ASIC2: variants seen among roughly 807,000 people sequenced by gnomAD.
ASIC2 encodes acid sensing ion channel subunit 2, also known as acid-sensing ion channel 2.
Under a neutral mutation model 57.3 loss-of-function variants are expected in ASIC2, and 25 were observed. The ratio of observed to expected loss-of-function variants is 0.44; its 90% CI spans 0.32 to 0.61. The LOEUF is 0.61. ASIC2 is among the 20% of genes least tolerant of loss of function. The pLI is 0.06. For missense variants in ASIC2, 641 were observed against 738.1 expected, an observed-to-expected ratio of 0.87 and a Z score of 1.52; for synonymous variants, 319 against 307.5, an observed-to-expected ratio of 1.04 and a Z score of -0.39.
At chr17:33,828,248 G>T (rs986605560) in intron 1 of ASIC2, 1 of 152,054 alleles carries the variant, frequency 6.6e-6, no homozygotes, top group South Asian at 2.1e-4. Flanking sequence ...TAAATCTGAG[G>T]GTATTTAGTC....
chr17:33,112,079 AAG>A lies in ASIC2; in HGVS notation c.709-14_709-13del, dbSNP rs140895516. 0.045 allele frequency: 56,065 copies of A among 1,249,226 alleles called. No individual in the cohort carries two copies. The highest frequency in any genetic ancestry group is 0.092 in the South Asian group (6,205 of 67,730). 77.4% of individuals were successfully genotyped at this position (1,249,226 alleles called of 1,614,324 possible). ...TATTTTGTAAACACCTGAAGGAGAG[AAG>A]AGAGAGAGAGAGAGAAGCACATGGG... On this transcript the variant is annotated splice_polypyrimidine_tract_variant and intron_variant, in intron 1 of 9. Coordinates refer to ENST00000225823, the MANE Select transcript of ASIC2 (RefSeq NM_183377.2).
At chr17:33,652,233 C>T (rs1906943398) in intron 1 of ASIC2, among the ~76,000 whole-genome samples, 1 of 152,168 alleles carries the variant, frequency 6.6e-6, no homozygotes, top group African/African-American at 2.4e-5. Flanking sequence ...CCCAGGTGGG[C>T]AGGAGACTAA....
chr17:34,022,652 A>C (rs373019955), intron 1 of ASIC2, among the ~76,000 whole-genome samples: 148 of 151,772 alleles, frequency 9.8e-4, no homozygotes, highest in South Asian at 8.7e-3. Flanking sequence ...AAAAAAAAAA[A>C]CAAAAAAACA....
chr17:33,768,325 A>G (rs1910996372), intron 1 of ASIC2, among the ~76,000 whole-genome samples: 1 of 152,124 alleles, frequency 6.6e-6, no homozygotes, highest in African/African-American at 2.4e-5. Context: ...TTTTTTAAAA[A>G]GTAACTCCCA....
intron 1 of ASIC2, among the ~76,000 whole-genome samples, chr17:33,400,662 A>C (rs565028972): frequency 6.6e-6 from 1 of 152,300 alleles, no homozygotes; most frequent in African/African-American, 2.4e-5. Context: ...TCAGGACTTA[A>C]AAAAAGATCA....
At chr17:33,327,891 G>A (rs1907140774) in intron 1 of ASIC2, among the ~76,000 whole-genome samples, 1 of 152,166 alleles carries the variant, frequency 6.6e-6, no homozygotes, top group Admixed American at 6.6e-5. Flanking sequence ...GTGGAGAGAG[G>A]CTTGGAGATA....
chr17:33,037,709 T>C (rs891547605), intron 3 of ASIC2, among the ~76,000 whole-genome samples: 1 of 152,224 alleles, frequency 6.6e-6, no homozygotes, highest in African/African-American at 2.4e-5. Flanking sequence ...AGAATAGTTG[T>C]AATACGGAAC....
rs111516213 is a variant in ASIC2 at position 34,028,765 on chromosome 17, G to A, written c.555+127213C>T. On this transcript the variant is annotated intron_variant, in intron 1 of 9. Coordinates refer to the ASIC2 transcript ENST00000359872. Reference sequence around the variant, plus strand: ...TGAAATCCTCTCCTCACAGAGAAGCGATTTCCTGCTCCTCTCACTGTTGCT... The same window carrying A: ...TGAAATCCTCTCCTCACAGAGAAGCAATTTCCTGCTCCTCTCACTGTTGCT... Among the ~76,000 whole-genome samples, 40 of 152,272 alleles carry A rather than the reference G, an allele frequency of 2.6e-4. 1 individual carries two copies. Among genetic ancestry groups the A allele is most frequent in the African/African-American group, 8.7e-4 (36 of 41,554 alleles).
At chr17:33,678,675 C>T (rs1219578979) in intron 1 of ASIC2, among the ~76,000 whole-genome samples, 3 of 152,090 alleles carry the variant, frequency 2.0e-5, no homozygotes, top group African/African-American at 4.8e-5. Context: ...TGTCAGAGGG[C>T]GTGTTCCCTG....
At chr17:33,103,313 A>G (rs571681206) in intron 2 of ASIC2, among the ~76,000 whole-genome samples, 1 of 152,288 alleles carries the variant, frequency 6.6e-6, no homozygotes, top group African/African-American at 2.4e-5. Context: ...AACGCACTTC[A>G]ATCCTCCCAA....
chr17:33,939,913 G>A (rs72821034), intron 1 of ASIC2, among the ~76,000 whole-genome samples: 16,000 of 152,158 alleles, frequency 0.11, 991 homozygotes, highest in Middle Eastern at 0.18. Context: ...AGGAGACCAG[G>A]GTTCTTATTT....
chr17:34,082,610 C>T (rs757213506), intron 1 of ASIC2, among the ~76,000 whole-genome samples: 9 of 152,348 alleles, frequency 5.9e-5, no homozygotes, highest in Non-Finnish European at 1.0e-4. Context: ...CACTCAATCA[C>T]CTGTCCCCGC....
At chr17:33,896,660 C>G (rs73272370) in intron 1 of ASIC2, among the ~76,000 whole-genome samples, 4,184 of 152,316 alleles carry the variant, frequency 0.027, 165 homozygotes, top group African/African-American at 0.094. Context: ...TTGACTTCAA[C>G]AGTGACTCCA....
Position 33,812,888 on chromosome 17 carries a change from G to A in ASIC2, c.555+343090C>T, listed in dbSNP as rs1287664021. On this transcript the variant is annotated intron_variant, in intron 1 of 9. Coordinates refer to the ASIC2 transcript ENST00000359872. ...CACTGGGTGTGGGTCTTCTTGGCAG[G>A]ACTGGTGGGACTTCCCAGCACTTGT... Among the ~76,000 whole-genome samples the A allele has an allele frequency of 5.9e-5, 9 of 152,322 alleles. No homozygotes were observed. In the South Asian group the frequency reaches 1.7e-3, roughly 28 times the overall value.
chr17:33,878,621 C>A (rs1465268908), intron 1 of ASIC2, among the ~76,000 whole-genome samples: 2 of 152,316 alleles, frequency 1.3e-5, no homozygotes, highest in Non-Finnish European at 2.9e-5. Flanking sequence ...AAGACCAAAT[C>A]TATGTCTGAC....
chr17:34,081,173 A>G (rs1005630052), intron 1 of ASIC2, among the ~76,000 whole-genome samples: 1 of 152,114 alleles, frequency 6.6e-6, no homozygotes, highest in African/African-American at 2.4e-5. Context: ...TGGCTTTCAT[A>G]GATGCACCCC....
chr17:34,015,046 C>T (rs933591977), intron 1 of ASIC2, among the ~76,000 whole-genome samples: 48 of 148,374 alleles, frequency 3.2e-4, no homozygotes, highest in African/African-American at 1.1e-3. Context: ...CACCACACTT[C>T]GCTAATTTTT....
chr17:34,150,001 A>G (rs536805994), intron 1 of ASIC2, among the ~76,000 whole-genome samples: 17 of 152,350 alleles, frequency 1.1e-4, no homozygotes, highest in Non-Finnish European at 2.2e-4. Context: ...GTCCATTGAT[A>G]GGTGAATAAA....
intron 1 of ASIC2, among the ~76,000 whole-genome samples, chr17:34,122,420 T>G (rs761405863): frequency 7.2e-5 from 11 of 152,212 alleles, no homozygotes; most frequent in Non-Finnish European, 1.0e-4. Context: ...TTATTCCCTG[T>G]GGTTCACGGT....
Sources: gnomAD v4.1 joint callset for allele counts (sites outside exome capture counted in the v4.1 genomes callset) on GRCh38, gnomAD v4.1.1 for gene constraint, MANE v1.5 for transcripts, NCBI Gene and HGNC (gene_info 2026-07-23, HGNC 2026-07-21) for gene names.